ZZEF1: variants seen among roughly 807,000 people sequenced by gnomAD.
ZZEF1 encodes zinc finger ZZ-type and EF-hand domain containing 1.
Under a neutral mutation model 342.8 loss-of-function variants are expected in ZZEF1, and 157 were observed. The ratio of observed to expected loss-of-function variants is 0.46; its 90% CI spans 0.40 to 0.52. The LOEUF (loss-of-function observed/expected upper bound fraction) is 0.52, where lower values mean the gene tolerates loss of function less well. ZZEF1 is among the 20% of genes least tolerant of loss of function. The probability of loss-of-function intolerance (pLI) is 0.00; values close to 1 mark genes in which losing one functional copy is unlikely to be tolerated. For synonymous variants in ZZEF1, 1,505 were observed against 1,429.1 expected, an observed-to-expected ratio of 1.05 and a Z score of -1.20; for missense variants, 3,480 against 3,725.6, an observed-to-expected ratio of 0.93 and a Z score of 1.72.
chr17:4,057,589 C>G (rs1461496067), intron 32 of ZZEF1, among the ~76,000 whole-genome samples: 3 of 152,106 alleles, frequency 2.0e-5, no homozygotes, highest in East Asian at 3.9e-4. Context: ...ATAACATATA[C>G]ATGTAACAAA....
rs754985234 is a variant in ZZEF1 at position 4,024,186 on chromosome 17, G to GTTTTTTTTTTTTTTTTTT, written c.7092+715_7092+732dup. ...CATCTCCATGCCAAATATTGCCCAG[G>GTTTTTTTTTTTTTTTTTT]TTTTTTTTTTTTTTTTTTTTTTTTT... On this transcript the variant is annotated intron_variant, in intron 43 of 54. Transcript: ENST00000381638. 7.4e-5 allele frequency among the ~76,000 whole-genome samples: 7 copies of GTTTTTTTTTTTTTTTTTT among 94,408 alleles called. 1 individual carries two copies. The highest frequency in any genetic ancestry group is 2.4e-4 in the African/African-American group (6 of 24,746). The allele number at this position is 94,408 out of a possible 152,430, so 61.9% of individuals were successfully genotyped here. A position where few individuals can be genotyped will look rare whatever the true frequency, so the allele number is the denominator to read the frequency against.
At chr17:4,113,466 G>A (rs1340711160) in intron 4 of ZZEF1, among the ~76,000 whole-genome samples, 2 of 152,112 alleles carry the variant, frequency 1.3e-5, no homozygotes, top group East Asian at 3.9e-4. Context: ...GGGAGCTTGA[G>A]ACCAGCCTGC....
chr17:4,105,670 A>T, intron 7 of ZZEF1, 23 bp downstream of exon 7: 1 of 1,539,120 alleles, frequency 6.5e-7, no homozygotes, highest in Non-Finnish European at 9.0e-7. Context: ...CACAGAGTTT[A>T]CCCTCATCAG....
intron 7 of ZZEF1, among the ~76,000 whole-genome samples, chr17:4,105,391 C>A (rs1056143967): frequency 3.3e-5 from 5 of 152,144 alleles, no homozygotes. Flanking sequence ...TCAGCAGGTT[C>A]TGAGTGAGGG....
At chr17:4,093,264 T>G (rs2057977551) in intron 11 of ZZEF1, among the ~76,000 whole-genome samples, 1 of 152,146 alleles carries the variant, frequency 6.6e-6, no homozygotes, top group Non-Finnish European at 1.5e-5. Flanking sequence ...AGTTATTACT[T>G]TAAAAGAAAA....
chr17:4,085,956 T>A (rs1021316441), intron 15 of ZZEF1, among the ~76,000 whole-genome samples, 153 bp from the exon 16 acceptor site: 1 of 148,832 alleles, frequency 6.7e-6, no homozygotes, highest in South Asian at 2.2e-4. Flanking sequence ...TATAAAAAAA[T>A]ATTTTTTATT....
intron 13 of ZZEF1, among the ~76,000 whole-genome samples, chr17:4,087,825 C>CACACACACACA (rs1016601880): frequency 9.3e-5 from 13 of 140,386 alleles, no homozygotes; most frequent in African/African-American, 3.1e-4. Context: ...CACACACACA[C>CACACACACACA]ATCCATGAAC....
chr17:4,123,854 A>G (rs1307701026), intron 2 of ZZEF1, 53 bp downstream of exon 2: 2 of 1,583,794 alleles, frequency 1.3e-6, no homozygotes, highest in Non-Finnish European at 1.7e-6. Context: ...TTCAATCAGT[A>G]GTATAGCAAA....
At chr17:4,134,064 G>A (rs1266402847) in intron 1 of ZZEF1, among the ~76,000 whole-genome samples, 2 of 152,014 alleles carry the variant, frequency 1.3e-5, no homozygotes, top group Non-Finnish European at 2.9e-5. Context: ...TATGATAAAA[G>A]GGATTTTCGA....
Position 4,125,176 on chromosome 17 carries a change from T to C in ZZEF1, c.355-1125A>G, listed in dbSNP as rs377743762. ...TACCTCACTTAGCAACTGCCCTCTCTCCCCAGATTTCAAACCCTTCCTCAA... is the reference window on the plus strand; with the variant it reads ...TACCTCACTTAGCAACTGCCCTCTCCCCCCAGATTTCAAACCCTTCCTCAA... On this transcript the variant is annotated intron_variant, in intron 1 of 54. Transcript: ENST00000381638. 6.0e-4 allele frequency among the ~76,000 whole-genome samples: 91 copies of C among 152,140 alleles called. No homozygotes were observed. The South Asian group carries it at 0.015, about 25-fold the overall frequency.
At chr17:4,030,391 G>A (rs1298165992) in intron 42 of ZZEF1, among the ~76,000 whole-genome samples, 2 of 152,186 alleles carry the variant, frequency 1.3e-5, no homozygotes, top group Admixed American at 1.3e-4. Flanking sequence ...ACTTACAATG[G>A]TTCAACGTAA....
Position 4,016,730 on chromosome 17 carries a change from G to C in ZZEF1, c.8002-264C>G, listed in dbSNP as rs1669324536. On this transcript the variant is annotated intron_variant, in intron 48 of 54. Transcript: ENST00000381638. The surrounding 1 kb of genome is among the most constrained non-coding windows in gnomAD (Gnocchi z 4.4). ...AGAACTAACTGAACCAATCATAAAG[G>C]GTCCTGGTCCTTGAAGGAGTCCCCA... is the stretch of plus-strand genomic sequence containing the variant. 3 of 380,396 alleles carry C rather than the reference G, an allele frequency of 7.9e-6. No individual in the cohort carries two copies. The highest frequency in any genetic ancestry group is 4.5e-5 in the East Asian group (1 of 22,404). The allele number at this position is 380,396 out of a possible 1,614,324, so 23.6% of individuals were successfully genotyped here.
intron 33 of ZZEF1, among the ~76,000 whole-genome samples, chr17:4,054,413 A>C (rs192579235): frequency 6.6e-6 from 1 of 152,344 alleles, no homozygotes; most frequent in East Asian, 1.9e-4. Context: ...AAATTGCAGG[A>C]GGCTTAGAGG....
intron 39 of ZZEF1, among the ~76,000 whole-genome samples, chr17:4,040,660 C>T (rs2145104833): frequency 6.6e-6 from 1 of 151,972 alleles, no homozygotes; most frequent in African/African-American, 2.4e-5. Flanking sequence ...TGAATGATTA[C>T]AAAAAAAGGA....
intron 53 of ZZEF1, 88 bp downstream of exon 53, chr17:4,009,516 G>C: frequency 6.3e-7 from 1 of 1,581,742 alleles, no homozygotes; most frequent in Non-Finnish European, 8.6e-7. Flanking sequence ...ACTCAGGCTC[G>C]GATGAGGCAG....
chr17:4,121,962 C>T (rs1391334608), intron 2 of ZZEF1, among the ~76,000 whole-genome samples: 1 of 152,118 alleles, frequency 6.6e-6, no homozygotes, highest in Non-Finnish European at 1.5e-5. Flanking sequence ...AGCAATCCTT[C>T]CACTTCGGCT....
Position 4,072,758 on chromosome 17 carries a change from T to C in ZZEF1, c.3686-2A>G. The C allele has an allele frequency of 5.0e-6, 8 of 1,608,966 alleles. No homozygotes were observed. Among genetic ancestry groups the C allele is most frequent in the Non-Finnish European group, 6.8e-6 (8 of 1,177,244 alleles). On this transcript the variant is annotated splice_acceptor_variant, in intron 24 of 54. Transcript: ENST00000381638. LOFTEE classifies it high-confidence loss of function. ...GTACTACCATGTTACTTCCTAACTCTAGAAAGAGAAGAAGACATATGACAG... is the reference window on the plus strand; with the variant it reads ...GTACTACCATGTTACTTCCTAACTCCAGAAAGAGAAGAAGACATATGACAG...
rs112470272 is a variant in ZZEF1 at position 4,044,530 on chromosome 17, G to GT, written c.6016-157dup. Among the ~76,000 whole-genome samples the GT allele has an allele frequency of 3.9e-3, 597 of 151,900 alleles. 10 individuals are homozygous for GT. The highest frequency in any genetic ancestry group is 0.014 in the African/African-American group (564 of 41,406). On this transcript the variant is annotated intron_variant, in intron 37 of 54. Transcript: ENST00000381638. ...CTCATTTCTTTTTTCTTTTTTGTGT[G>GT]TTTTTTTGAGATAGAGTCTCACTCT...
Position 4,123,897 on chromosome 17 carries a change from G to A in ZZEF1, c.499+10C>T. On this transcript the variant is annotated intron_variant, in intron 2 of 54. Transcript: ENST00000381638. ...TTGGTTCTAAGACAGCACCTAGATG[G>A]AAGCCTCACCTGGAACCAGAGAGCA... 1.2e-6 allele frequency: 2 copies of A among 1,611,052 alleles called. No individual in the cohort carries two copies. The highest frequency in any genetic ancestry group is 2.2e-5 in the South Asian group (2 of 90,570).
Sources: gnomAD v4.1 joint callset for allele counts (sites outside exome capture counted in the v4.1 genomes callset) on GRCh38, gnomAD v4.1.1 for gene constraint, Gnocchi (gnomAD v3.1) non-coding constraint, MANE v1.5 for transcripts, NCBI Gene and HGNC (gene_info 2026-07-23, HGNC 2026-07-21) for gene names.